Variants in CEP112 observed in about 807,000 individuals in gnomAD.
CEP112 encodes the protein centrosomal protein 112.
CEP112 carries 127 observed loss-of-function variants against 153.0 expected under a neutral mutation model. The observed-to-expected ratio is 0.83, with a 90% CI of 0.72 to 0.96. CEP112 has a LOEUF of 0.96. CEP112 is among the 40% of genes least tolerant of loss of function. The pLI is 0.00. For synonymous variants in CEP112, 358 were observed against 374.4 expected, an observed-to-expected ratio of 0.96 and a Z score of 0.51; for missense variants, 1,089 against 1,101.2, an observed-to-expected ratio of 0.99 and a Z score of 0.16.
intron 21 of CEP112, among the ~76,000 whole-genome samples, chr17:65,777,077 C>G (rs1042248218): frequency 6.6e-6 from 1 of 152,308 alleles, no homozygotes; most frequent in East Asian, 1.9e-4. Flanking sequence ...TGCAGCTGGA[C>G]GTGGTCATGT....
intron 3 of CEP112, 55 bp from the exon 4 acceptor site, chr17:66,175,271 C>T (rs2072424485): frequency 1.6e-6 from 2 of 1,250,726 alleles, no homozygotes; most frequent in Non-Finnish European, 2.1e-6. Context: ...TAATAAACCA[C>T]TAAAATTTCC....
intron 17 of CEP112, among the ~76,000 whole-genome samples, chr17:65,993,465 T>C (rs1489122007): frequency 2.6e-5 from 4 of 152,166 alleles, no homozygotes; most frequent in African/African-American, 9.7e-5. Flanking sequence ...TGTGTATTCT[T>C]AACAAAACAT....
intron 4 of CEP112, among the ~76,000 whole-genome samples, chr17:66,163,772 T>C (rs908947364): frequency 3.9e-5 from 6 of 152,172 alleles, no homozygotes; most frequent in Non-Finnish European, 8.8e-5. Context: ...GAACACTCAA[T>C]ATTTAAATTT....
intron 24 of CEP112, among the ~76,000 whole-genome samples, chr17:65,648,366 G>A (rs1273021165): frequency 1.3e-5 from 2 of 152,220 alleles, no homozygotes; most frequent in African/African-American, 4.8e-5. Flanking sequence ...TAAGCTGAGT[G>A]GAAATGGGGT....
At chr17:65,971,870 G>A (rs974381086) in intron 17 of CEP112, among the ~76,000 whole-genome samples, 1 of 152,098 alleles carries the variant, frequency 6.6e-6, no homozygotes, top group Non-Finnish European at 1.5e-5. Flanking sequence ...CATATCAACA[G>A]GAAACAAATG....
At chr17:66,013,994 A>G (rs1453052631) in intron 16 of CEP112, among the ~76,000 whole-genome samples, 1 of 152,210 alleles carries the variant, frequency 6.6e-6, no homozygotes, top group East Asian at 1.9e-4. Context: ...GTGCTTTCAC[A>G]CCAGAAATGG....
intron 20 of CEP112, among the ~76,000 whole-genome samples, chr17:65,898,700 A>G (rs1052284171): frequency 3.3e-5 from 5 of 152,160 alleles, no homozygotes; most frequent in Non-Finnish European, 5.9e-5. Flanking sequence ...ATGGCTGATG[A>G]CCTTCTGCAA....
chr17:66,150,752 GGT>G (rs2071173995), intron 4 of CEP112, among the ~76,000 whole-genome samples: 1 of 152,104 alleles, frequency 6.6e-6, no homozygotes. Flanking sequence ...TTGACTTTTT[GGT>G]CAAGTTGCTC....
chr17:65,966,494 G>T (rs1002482705), intron 17 of CEP112, among the ~76,000 whole-genome samples: 2 of 152,110 alleles, frequency 1.3e-5, no homozygotes, highest in African/African-American at 4.8e-5. Flanking sequence ...TGCCAGCTTG[G>T]CATCTCCCCT....
intron 20 of CEP112, among the ~76,000 whole-genome samples, chr17:65,853,485 C>T (rs1348659646): frequency 6.6e-6 from 1 of 152,128 alleles, no homozygotes; most frequent in Non-Finnish European, 1.5e-5. Flanking sequence ...AATCCCAGCA[C>T]TTTGGGAGGC....
intron 23 of CEP112, among the ~76,000 whole-genome samples, chr17:65,718,308 T>C (rs1367663994): frequency 4.0e-5 from 6 of 151,458 alleles, no homozygotes; most frequent in Middle Eastern, 3.2e-3. Context: ...CTCAGGAGGC[T>C]GAGGCAGGAG....
At chr17:65,999,834 T>C (rs2063947110) in intron 17 of CEP112, among the ~76,000 whole-genome samples, 1 of 152,128 alleles carries the variant, frequency 6.6e-6, no homozygotes, top group South Asian at 2.1e-4. Context: ...GGTTTTCTGT[T>C]CCCGCATTAG....
At chr17:66,167,697 C>T (rs140855466) in intron 4 of CEP112, among the ~76,000 whole-genome samples, 40 of 152,266 alleles carry the variant, frequency 2.6e-4, no homozygotes, top group African/African-American at 8.9e-4. Flanking sequence ...ATATGATACA[C>T]TAGAAAGAAC....
Position 65,934,103 on chromosome 17 carries a change from T to G in CEP112, c.1873-6414A>C, listed in dbSNP as rs186417559. Among the ~76,000 whole-genome samples, 121 of 152,234 alleles carry G rather than the reference T, an allele frequency of 7.9e-4. 1 individual carries two copies. Among genetic ancestry groups the G allele is most frequent in the Non-Finnish European group, 5.0e-4 (34 of 68,012 alleles). ...ACTCGGGAGGCTGAGGCACGAGAACTGCTTGAACCTGGGAGGCGGAGGTTG... is the reference window on the plus strand; with the variant it reads ...ACTCGGGAGGCTGAGGCACGAGAACGGCTTGAACCTGGGAGGCGGAGGTTG... On this transcript the variant is annotated intron_variant, in intron 18 of 26. Transcript: ENST00000535342.
rs180703411 is a variant in CEP112, at chr17:66,128,775, A to C, written c.642+971T>G. On this transcript the variant is annotated intron_variant, in intron 6 of 26. Coordinates refer to ENST00000535342, the MANE Select transcript of CEP112 (RefSeq NM_001199165.4). ...AGTTTATGGAATATCCATCCGAAAG[A>C]AAAATAAATGCTACCATTCACAGTC... Among the ~76,000 whole-genome samples, 186 of 152,346 alleles carry C rather than the reference A, an allele frequency of 1.2e-3. 2 individuals are homozygous for C. Among genetic ancestry groups the C allele is most frequent in the African/African-American group, 4.3e-3 (177 of 41,568 alleles).
intron 21 of CEP112, among the ~76,000 whole-genome samples, chr17:65,845,323 A>C (rs545405338): frequency 3.9e-4 from 59 of 152,336 alleles, no homozygotes; most frequent in Admixed American, 2.2e-3. Flanking sequence ...CCATCTCAAA[A>C]AAAACAAAAC....
At chr17:65,744,277 G>A (rs1042982828) in intron 22 of CEP112, among the ~76,000 whole-genome samples, 3 of 147,626 alleles carry the variant, frequency 2.0e-5, no homozygotes, top group Non-Finnish European at 4.5e-5. Context: ...GTTTTGAGAC[G>A]GAGTCTTGCT....
intron 23 of CEP112, among the ~76,000 whole-genome samples, chr17:65,738,099 T>C (rs1300608217): frequency 6.6e-6 from 1 of 152,034 alleles, no homozygotes; most frequent in Admixed American, 6.5e-5. Flanking sequence ...TTCTTAAACA[T>C]GAAAAAACTC....
At chr17:66,052,349 G>A (rs1400685900) in intron 12 of CEP112, among the ~76,000 whole-genome samples, 1 of 152,184 alleles carries the variant, frequency 6.6e-6, no homozygotes, top group African/African-American at 2.4e-5. Context: ...TAACAAGACT[G>A]ATGCGATGCA....
Sources: allele counts gnomAD v4.1 joint callset (sites outside exome capture counted in the v4.1 genomes callset), GRCh38; gene constraint gnomAD v4.1.1; transcripts MANE v1.5; gene names NCBI Gene and HGNC (gene_info 2026-07-23, HGNC 2026-07-21).